CES1: variants seen among roughly 807,000 people sequenced by gnomAD.
The protein encoded by CES1 is liver carboxylesterase 1.
CES1 carries 50 observed loss-of-function variants against 53.0 expected under a neutral mutation model. That is an observed-to-expected ratio of 0.94 (90% CI 0.75 to 1.19). The LOEUF (loss-of-function observed/expected upper bound fraction) is 1.19. CES1 is among the 50% of genes most tolerant of loss of function. The pLI, the probability that CES1 is intolerant of heterozygous loss-of-function variation, is 0.00. For missense variants in CES1, 534 were observed against 538.0 expected (o/e 0.99, Z 0.07); for synonymous variants, 202 against 210.1 (o/e 0.96, Z 0.33).
intron 9 of CES1, 122 bp from the exon 10 acceptor site, chr16:55,811,132 C>G: frequency 1.2e-6 from 1 of 800,630 alleles, no homozygotes; most frequent in Non-Finnish European, 2.1e-6. Context: ...CTTTTAAGGG[C>G]ATGAGTCTTT....
chr16:55,823,855 C>T (rs1751599731), intron 3 of CES1, among the ~76,000 whole-genome samples, 172 bp from the exon 4 acceptor site: 1 of 152,282 alleles, frequency 6.6e-6, no homozygotes, highest in East Asian at 1.9e-4. Flanking sequence ...CATAATTCTC[C>T]CAACTGGGAC....
intron 3 of CES1, among the ~76,000 whole-genome samples, chr16:55,824,226 C>A: frequency 6.6e-6 from 1 of 152,242 alleles, no homozygotes; most frequent in South Asian, 2.1e-4. Context: ...CCTGCAGAAC[C>A]CAGCCTAAAA....
chr16:55,809,271 GT>G (rs1283051902), intron 11 of CES1, among the ~76,000 whole-genome samples: 5 of 152,170 alleles, frequency 3.3e-5, no homozygotes, highest in African/African-American at 1.2e-4. Context: ...AGTGGTCTTG[GT>G]TAAAGGTTTT....
At chr16:55,824,908 C>G (rs774046353) in intron 3 of CES1, among the ~76,000 whole-genome samples, 1 of 152,246 alleles carries the variant, frequency 6.6e-6, no homozygotes, top group African/African-American at 2.4e-5. Flanking sequence ...TGGAGGTTCT[C>G]CTGACTCCAG....
intron 8 of CES1, among the ~76,000 whole-genome samples, chr16:55,813,891 G>C (rs541004387): frequency 3.0e-4 from 45 of 151,960 alleles, no homozygotes; most frequent in African/African-American, 8.5e-4. Context: ...AACAAGAAGA[G>C]AGAGGTTGCC....
intron 9 of CES1, among the ~76,000 whole-genome samples, chr16:55,811,470 T>G (rs1444845965): frequency 6.6e-6 from 1 of 152,146 alleles, no homozygotes; most frequent in African/African-American, 2.4e-5. Context: ...GTCTTTGGTA[T>G]AACCTCTGAA....
At chr16:55,817,279 G>A (rs1276249061) in intron 7 of CES1, among the ~76,000 whole-genome samples, 1 of 152,166 alleles carries the variant, frequency 6.6e-6, no homozygotes, top group Non-Finnish European at 1.5e-5. Flanking sequence ...GCCTAAGAGT[G>A]AAGCCAACAC....
intron 8 of CES1, among the ~76,000 whole-genome samples, chr16:55,815,750 G>A (rs1457225855): frequency 2.0e-5 from 3 of 152,088 alleles, no homozygotes; most frequent in Non-Finnish European, 4.4e-5. Flanking sequence ...TGCCCAGCTG[G>A]TCAACTGCAT....
chr16:55,810,817 G>A (rs191651652), intron 10 of CES1, 110 bp downstream of exon 10: 12 of 1,398,404 alleles, frequency 8.6e-6, no homozygotes, highest in Non-Finnish European at 1.1e-5. Context: ...AAAGATGGGG[G>A]AAACCCTGAG....
chr16:55,809,323 C>T (rs1237364363), intron 11 of CES1, among the ~76,000 whole-genome samples: 2 of 152,200 alleles, frequency 1.3e-5, no homozygotes, highest in African/African-American at 2.4e-5. Flanking sequence ...TGAGCACCTG[C>T]CCCTTCCTGT....
Position 55,811,026 on chromosome 16 carries a change from AGTTC to A in CES1, c.1087-20_1087-17del. 1 of 1,556,948 alleles carries A rather than the reference AGTTC, an allele frequency of 6.4e-7. No homozygotes were observed. The highest frequency in any genetic ancestry group is 8.9e-7 in the Non-Finnish European group (1 of 1,128,056). ...TCATCAACTGCTAAAAAAAAAAAAAAGTTCAGCATTTATGAATCATTGGGAATTA... is the reference window on the plus strand; with the variant it reads ...TCATCAACTGCTAAAAAAAAAAAAAAAGCATTTATGAATCATTGGGAATTA... On this transcript the variant is annotated splice_polypyrimidine_tract_variant and intron_variant, in intron 9 of 13. Transcript: ENST00000360526.
rs114119971 is a variant in CES1 at position 55,819,586 on chromosome 16, G to C, written c.855C>G (p.His285Gln). Residue 285 changes from histidine to glutamine, a missense_variant, in exon 7 of 14, where the codon CAC becomes CAG. Physicochemically the swap from His to Gln is conservative, Grantham distance 24. This residue lies in a region of CES1 where 269 missense variants were observed against 206.6 expected (regional missense o/e 1.30). Coordinates refer to ENST00000360526, the MANE Select transcript of CES1 (RefSeq NM_001025195.2). Reference sequence around the variant, plus strand: ...CCTCTTCCGTCTTCTGTCGCAGGCAGTGAACCATGACAGCAGAGGTGGTGG... The same window carrying C: ...CCTCTTCCGTCTTCTGTCGCAGGCACTGAACCATGACAGCAGAGGTGGTGG... ...CKTTTSAVMV[H>Q]CLRQKTEEEL... The C allele has an allele frequency of 6.5e-3, 10,468 of 1,613,570 alleles. 56 individuals carry two copies. Among genetic ancestry groups the C allele is most frequent in the Non-Finnish European group, 8.1e-3 (9,557 of 1,179,448 alleles).
At chr16:55,832,844 C>T (rs1192143187) in intron 1 of CES1, among the ~76,000 whole-genome samples, 160 bp downstream of exon 1, 2 of 152,242 alleles carry the variant, frequency 1.3e-5, no homozygotes, top group Admixed American at 6.5e-5. Context: ...GCCAGGCTGG[C>T]CGGGCTCAGC....
chr16:55,808,872 G>A (rs1477521337), intron 11 of CES1, among the ~76,000 whole-genome samples: 1 of 151,972 alleles, frequency 6.6e-6, no homozygotes, highest in Non-Finnish European at 1.5e-5. Flanking sequence ...GATTTTTAAA[G>A]TATATAGGAC....
chr16:55,831,069 G>T (rs1415020284), intron 1 of CES1, among the ~76,000 whole-genome samples: 1 of 152,176 alleles, frequency 6.6e-6, no homozygotes. Flanking sequence ...TGGTGAGGGA[G>T]CAGGGCAGAA....
rs181533656 is a variant in CES1 at position 55,827,975 on chromosome 16, C to T, written c.260+792G>A. 32 of 152,132 alleles carry T rather than the reference C, an allele frequency of 2.1e-4. No homozygotes were observed. The East Asian group carries it at 2.9e-3, about 14-fold the overall frequency. The allele number at this position is 152,132 out of a possible 1,614,324, so 9.4% of individuals were successfully genotyped here. Reference sequence around the variant, plus strand: ...TCTTACTTTCCTTTCTCTGTATTTCCTAAATTTTCTGTAATAAGTATATAT... The same window carrying T: ...TCTTACTTTCCTTTCTCTGTATTTCTTAAATTTTCTGTAATAAGTATATAT... On this transcript the variant is annotated intron_variant, in intron 2 of 13. Coordinates refer to ENST00000360526, the MANE Select transcript of CES1 (RefSeq NM_001025195.2).
chr16:55,831,200 C>G (rs200480380), intron 1 of CES1, among the ~76,000 whole-genome samples: 20 of 152,160 alleles, frequency 1.3e-4, no homozygotes, highest in Middle Eastern at 3.4e-3. Flanking sequence ...CGGCCAAGAC[C>G]AAAGATCCAT....
chr16:55,821,837 C>A (rs778542055), intron 4 of CES1, among the ~76,000 whole-genome samples: 1 of 152,016 alleles, frequency 6.6e-6, no homozygotes, highest in African/African-American at 2.4e-5. Context: ...TAAACAGATA[C>A]ATAGAGAGAA....
At chr16:55,832,804 G>C (rs1263049338) in intron 1 of CES1, among the ~76,000 whole-genome samples, 200 bp downstream of exon 1, 4 of 152,236 alleles carry the variant, frequency 2.6e-5, no homozygotes, top group East Asian at 1.9e-4. Context: ...GCGATCTCAG[G>C]ATGTTCACCC....
Sources: gnomAD v4.1 joint callset for allele counts (sites outside exome capture counted in the v4.1 genomes callset) on GRCh38, gnomAD v4.1.1 for gene constraint, gnomAD v4.1.1 regional missense constraint, MANE v1.5 for transcripts, NCBI Gene and HGNC (gene_info 2026-07-23, HGNC 2026-07-21) for gene names.